Variants in ARHGEF33 observed in about 807,000 individuals in gnomAD.
ARHGEF33 encodes the protein DH and coiled-coil domain-containing protein ENSP00000381780.
In ARHGEF33, 72 loss-of-function variants were observed where a neutral mutation model predicts 101.9. That is an observed-to-expected ratio of 0.71 (90% CI 0.58 to 0.86). The LOEUF (loss-of-function observed/expected upper bound fraction) is 0.86. Ranked by LOEUF, ARHGEF33 falls within the 40% of genes least tolerant of loss-of-function variation. The pLI is 0.00. For missense variants in ARHGEF33, 1,169 were observed against 1,111.3 expected (o/e 1.05, Z -0.74); for synonymous variants, 499 against 442.5 (o/e 1.13, Z -1.60).
intron 17 of ARHGEF33, among the ~76,000 whole-genome samples, chr2:38,970,745 A>T (rs1668148987): frequency 6.6e-6 from 1 of 152,190 alleles, no homozygotes; most frequent in Admixed American, 6.5e-5. Context: ...CATAGTAGGC[A>T]CTCAACAAAT....
chr2:38,908,234 A>G (rs1338617797), intron 2 of ARHGEF33, among the ~76,000 whole-genome samples: 3 of 152,138 alleles, frequency 2.0e-5, no homozygotes, highest in African/African-American at 4.8e-5. Flanking sequence ...TTGAGATTAA[A>G]GAGAGTCAAG....
At chr2:38,934,813 T>G (rs1053410219) in intron 7 of ARHGEF33, among the ~76,000 whole-genome samples, 16 of 151,616 alleles carry the variant, frequency 1.1e-4, no homozygotes, top group Non-Finnish European at 2.1e-4. Flanking sequence ...ATATGTAGTA[T>G]GTTAGAGAGT....
At chr2:38,949,479 G>T (rs940897128) in intron 10 of ARHGEF33, among the ~76,000 whole-genome samples, 2 of 151,636 alleles carry the variant, frequency 1.3e-5, no homozygotes, top group Non-Finnish European at 2.9e-5. Context: ...TTCCTCCCAT[G>T]ATTCTCTATC....
At chr2:38,955,488 T>TTTC (rs1227427796) in intron 13 of ARHGEF33, among the ~76,000 whole-genome samples, 1 of 117,526 alleles carries the variant, frequency 8.5e-6, no homozygotes, top group Non-Finnish European at 1.8e-5. Flanking sequence ...AGACTTTTTT[T>TTTC]TTTTTTTTTT....
At position 38,951,051 on chromosome 2, in the gene ARHGEF33, A is replaced by G; in HGVS notation, c.983A>G (p.Gln328Arg). The stretch of plus-strand genomic sequence containing the variant: ...CACCTGGATCTGCTTCACGCACTGC[A>G]GGAAAGGGTCCTGAAGTGGCCACGC... ...QQHLDLLHALQERVLKWPRQG... is the reference protein window; with the variant it reads ...QQHLDLLHALRERVLKWPRQG... The change falls in exon 11 of 18, where the codon CAG becomes CGG. Residue 328 changes from glutamine (Q) to arginine (R), a missense_variant. Gln to Arg is a conservative substitution (Grantham distance 43). Transcript: ENST00000409978. 1 of 1,552,182 alleles carries G rather than the reference A, an allele frequency of 6.4e-7. No homozygotes were observed. Among genetic ancestry groups the G allele is most frequent in the Non-Finnish European group, 8.7e-7 (1 of 1,147,066 alleles).
chr2:38,965,925 C>T, intron 16 of ARHGEF33, 81 bp from the exon 17 acceptor site: 1 of 1,496,404 alleles, frequency 6.7e-7, no homozygotes, highest in South Asian at 1.3e-5. Context: ...AAAGTCACAA[C>T]ACCACAAAAT....
At position 38,960,745 on chromosome 2, in the gene ARHGEF33, G is replaced by T. The variant is rs1395978767; in HGVS notation, c.2343+97G>T. On this transcript the variant is annotated intron_variant, in intron 16 of 17. Transcript: ENST00000409978. Reference sequence around the variant, plus strand: ...TTCTCCTAGCGTGGAGAGGAGCGGGGCCGGGCCAGGCTAGGGGGCGGCTGC... The same window carrying T: ...TTCTCCTAGCGTGGAGAGGAGCGGGTCCGGGCCAGGCTAGGGGGCGGCTGC... The T allele has an allele frequency of 3.0e-6, 3 of 1,007,758 alleles. No homozygotes were observed. The African/African-American group carries it at 5.3e-5, about 18-fold the overall frequency. The allele number at this position is 1,007,758 out of a possible 1,614,324, so 62.4% of individuals were successfully genotyped here.
At chr2:38,929,875 T>G (rs1164586185) in intron 6 of ARHGEF33, 45 bp downstream of exon 6, 1 of 1,537,000 alleles carries the variant, frequency 6.5e-7, no homozygotes, top group East Asian at 2.5e-5. Context: ...CCATAAGCAA[T>G]GGCTTCTGCA....
intron 9 of ARHGEF33, among the ~76,000 whole-genome samples, chr2:38,941,437 T>G (rs1338003900): frequency 6.6e-6 from 1 of 152,270 alleles, no homozygotes; most frequent in African/African-American, 2.4e-5. Flanking sequence ...ACATCTTTTT[T>G]CCTCATGATT....
intron 2 of ARHGEF33, among the ~76,000 whole-genome samples, chr2:38,907,431 A>G (rs528011663): frequency 4.6e-5 from 7 of 152,284 alleles, no homozygotes; most frequent in African/African-American, 1.7e-4. Context: ...CATCTGAACT[A>G]TGAAAAAAAT....
Position 38,926,402 on chromosome 2 carries a change from T to A in ARHGEF33, c.76-2505T>A, listed in dbSNP as rs1183792251. Among the ~76,000 whole-genome samples the A allele has an allele frequency of 2.0e-5, 3 of 152,174 alleles. No individual in the cohort carries two copies. In the East Asian group the frequency reaches 5.8e-4, roughly 29 times the overall value. ...ACAAGGGAGTGGTCAGGGTCGGTAG[T>A]TGAAAACCGCTCTGTAGGGGCTAAA... On this transcript the variant is annotated intron_variant, in intron 4 of 17. Transcript: ENST00000409978.
At chr2:38,939,903 A>G (rs560728901) in intron 9 of ARHGEF33, among the ~76,000 whole-genome samples, 2 of 152,334 alleles carry the variant, frequency 1.3e-5, no homozygotes, top group African/African-American at 4.8e-5. Context: ...GTACTCTGGT[A>G]TGCTTTCTTC....
chr2:38,942,538 T>C (rs1011301572), intron 9 of ARHGEF33, among the ~76,000 whole-genome samples: 1 of 151,680 alleles, frequency 6.6e-6, no homozygotes, highest in East Asian at 1.9e-4. Flanking sequence ...TTTTTCTATC[T>C]TTTAAGCAAT....
intron 2 of ARHGEF33, among the ~76,000 whole-genome samples, chr2:38,913,368 T>A (rs1169390618): frequency 2.0e-5 from 3 of 152,242 alleles, no homozygotes; most frequent in African/African-American, 7.2e-5. Context: ...TTTAAAGAAC[T>A]GATAATTCCA....
chr2:38,967,565 AC>A (rs1668076312), intron 17 of ARHGEF33, among the ~76,000 whole-genome samples: 1 of 151,954 alleles, frequency 6.6e-6, no homozygotes, highest in African/African-American at 2.4e-5. Context: ...TCTCCAGCCC[AC>A]CCTGATTTAG....
rs139333280 is a variant in ARHGEF33 at position 38,961,540 on chromosome 2, G to A, written c.2343+892G>A. Among the ~76,000 whole-genome samples, 307 of 152,244 alleles carry A rather than the reference G, an allele frequency of 2.0e-3. 6 individuals are homozygous for A. In the East Asian group the frequency reaches 0.034, roughly 17 times the overall value. On this transcript the variant is annotated intron_variant, in intron 16 of 17. Transcript: ENST00000409978. The stretch of plus-strand genomic sequence containing the variant: ...GTAACATGATAGTTCTGACCTGTGC[G>A]ACCACCCTTCCGTTCCAACTATTCT...
intron 2 of ARHGEF33, among the ~76,000 whole-genome samples, chr2:38,903,723 C>G (rs575397240): frequency 2.0e-5 from 3 of 152,342 alleles, no homozygotes; most frequent in African/African-American, 7.2e-5. Flanking sequence ...CCCTATAACT[C>G]TGCAAATACC....
chr2:38,951,610 A>T (rs550942934), intron 11 of ARHGEF33, among the ~76,000 whole-genome samples: 22 of 150,818 alleles, frequency 1.5e-4, no homozygotes, highest in Non-Finnish European at 2.4e-4. Flanking sequence ...TTATTAAATT[A>T]AAAAAAAAGT....
At chr2:38,952,276 T>C (rs570636500) in intron 11 of ARHGEF33, among the ~76,000 whole-genome samples, 3 of 152,366 alleles carry the variant, frequency 2.0e-5, no homozygotes, top group East Asian at 3.9e-4. Context: ...GTGCATATAA[T>C]GTACTAATAT....
Sources: allele counts gnomAD v4.1 joint callset (sites outside exome capture counted in the v4.1 genomes callset), GRCh38; gene constraint gnomAD v4.1.1; transcripts MANE v1.5; gene names NCBI Gene and HGNC (gene_info 2026-07-23, HGNC 2026-07-21).